NUAK1: variants seen among roughly 807,000 people sequenced by gnomAD.
The protein encoded by NUAK1 is NUAK family kinase 1, also known as NUAK family SNF1-like kinase 1.
In NUAK1, 26 loss-of-function variants were observed where a neutral mutation model predicts 56.9. The observed-to-expected ratio is 0.46, with a 90% CI of 0.33 to 0.63. The LOEUF (loss-of-function observed/expected upper bound fraction) is 0.63, where lower values mean the gene tolerates loss of function less well. Ranked by LOEUF, NUAK1 falls within the 30% of genes least tolerant of loss-of-function variation. NUAK1 has a pLI of 0.02. For synonymous variants in NUAK1, 337 were observed against 336.0 expected, an observed-to-expected ratio of 1.00 and a Z score of -0.03; for missense variants, 727 against 876.1, an observed-to-expected ratio of 0.83 and a Z score of 2.15.
chr12:106,078,171 C>T (rs1476927536), intron 4 of NUAK1, among the ~76,000 whole-genome samples: 2 of 152,228 alleles, frequency 1.3e-5, no homozygotes, highest in African/African-American at 2.4e-5. Flanking sequence ...TTTAAGGCTG[C>T]TGTGAGCTAT....
At position 106,067,623 on chromosome 12, in the gene NUAK1, G is replaced by C; in HGVS notation, c.1165C>G (p.Pro389Ala). Residue 389 changes from proline (P) to alanine (A), a missense_variant, in exon 7 of 7, where the codon CCA becomes GCA. Physicochemically the swap from Pro to Ala is conservative, Grantham distance 27. Transcript: ENST00000261402. This position sits in a 1 kb window ranked among gnomAD's most constrained non-coding sequence, Gnocchi z 6.0. ...GGCCTCTTAGAACTCAACTTGGATGGGCTTTCAGGCACTGCATCCTGACCA... is the reference window on the plus strand; with the variant it reads ...GGCCTCTTAGAACTCAACTTGGATGCGCTTTCAGGCACTGCATCCTGACCA... The part of the protein sequence containing the change: ...QSGQDAVPES[P>A]SKLSSKRPKG... 6.2e-7 allele frequency: 1 copy of C among 1,614,210 alleles called. No homozygotes were observed. The highest frequency in any genetic ancestry group is 1.3e-5 in the African/African-American group (1 of 75,044).
At chr12:106,107,200 C>T (rs926607663) in intron 1 of NUAK1, among the ~76,000 whole-genome samples, 2 of 152,114 alleles carry the variant, frequency 1.3e-5, no homozygotes, top group Admixed American at 6.5e-5. Context: ...CTGTCAATTC[C>T]CAAAGCTCAG....
intron 3 of NUAK1, 133 bp downstream of exon 3, chr12:106,086,601 T>C: frequency 1.2e-6 from 1 of 864,580 alleles, no homozygotes; most frequent in Non-Finnish European, 1.6e-6. Context: ...GTGATGGTAA[T>C]TTTCTTCTTT....
intron 1 of NUAK1, among the ~76,000 whole-genome samples, chr12:106,123,068 G>C (rs1054186132): frequency 2.6e-5 from 4 of 152,194 alleles, no homozygotes; most frequent in Non-Finnish European, 4.4e-5. Context: ...CTATGTGTTA[G>C]GCTCATGCAA....
At position 106,138,595 on chromosome 12, in the gene NUAK1, G is replaced by A. The variant is rs1390261166; in HGVS notation, c.59C>T (p.Pro20Leu). 2 of 1,576,660 alleles carry A rather than the reference G, an allele frequency of 1.3e-6. No homozygotes were observed. The highest frequency in any genetic ancestry group is 1.8e-5 in the Admixed American group (1 of 56,006). ...CGCCACCGCCTCTCGGGGAGAGCCCGGCGCCCCCAGCCCCAAGTCGGGGCG... is the reference window on the plus strand; with the variant it reads ...CGCCACCGCCTCTCGGGGAGAGCCCAGCGCCCCCAGCCCCAAGTCGGGGCG... The part of the protein sequence containing the change: ...GDRPDLGLGA[P>L]GSPREAVAGA... The change falls in exon 1 of 7, where the codon CCG becomes CTG. Residue 20 changes from proline (P) to leucine (L), a missense_variant. Pro to Leu is a moderately conservative substitution (Grantham distance 98, BLOSUM62 -3). Coordinates refer to ENST00000261402, the MANE Select transcript of NUAK1 (RefSeq NM_014840.3). The surrounding 1 kb of genome is among the most constrained non-coding windows in gnomAD (Gnocchi z 5.0).
chr12:106,083,411 C>A (rs1560757), intron 4 of NUAK1, among the ~76,000 whole-genome samples: 1 of 152,064 alleles, frequency 6.6e-6, no homozygotes, highest in African/African-American at 2.4e-5. Context: ...TTACCTTGGG[C>A]AAATTACTTA....
chr12:106,121,466 G>A (rs186169346), intron 1 of NUAK1, among the ~76,000 whole-genome samples: 2 of 152,252 alleles, frequency 1.3e-5, no homozygotes, highest in African/African-American at 2.4e-5. Flanking sequence ...AAAAGGGTGG[G>A]AGGCTGGGCG....
Position 106,138,724 on chromosome 12 carries a change from C to T in NUAK1, c.-71G>A. On this transcript the variant is annotated 5_prime_UTR_variant, in exon 1 of 7. The change creates a new upstream start codon in the 5' untranslated region. Coordinates refer to ENST00000261402, the MANE Select transcript of NUAK1 (RefSeq NM_014840.3). This position sits in a 1 kb window ranked among gnomAD's most constrained non-coding sequence, Gnocchi z 5.0. ...CAGCGCTGGGATGTCGGGGTCCCCA[C>T]CGAGGGAAGCCGCTGTACGCTCAAG... 1 of 1,430,200 alleles carries T rather than the reference C, an allele frequency of 7.0e-7. No individual in the cohort carries two copies. Among genetic ancestry groups the T allele is most frequent in the Non-Finnish European group, 9.1e-7 (1 of 1,099,172 alleles). The allele number at this position is 1,430,200 out of a possible 1,614,324, so 88.6% of individuals were successfully genotyped here.
chr12:106,074,744 C>T (rs1293664058), intron 4 of NUAK1, among the ~76,000 whole-genome samples: 1 of 152,092 alleles, frequency 6.6e-6, no homozygotes, highest in African/African-American at 2.4e-5. Flanking sequence ...GTGGTCACAG[C>T]CCCTAGAAGC....
chr12:106,125,672 T>C (rs1488939973), intron 1 of NUAK1, among the ~76,000 whole-genome samples: 1 of 152,014 alleles, frequency 6.6e-6, no homozygotes, highest in African/African-American at 2.4e-5. Flanking sequence ...TAAGTGGAGA[T>C]TTCCACTTCA....
At chr12:106,090,669 G>A (rs576682040) in intron 2 of NUAK1, among the ~76,000 whole-genome samples, 25 of 152,092 alleles carry the variant, frequency 1.6e-4, no homozygotes, top group Admixed American at 6.5e-4. Context: ...CTGACCCTCC[G>A]CCTCCTCATC....
At chr12:106,112,412 T>C (rs1355358710) in intron 1 of NUAK1, among the ~76,000 whole-genome samples, 1 of 151,894 alleles carries the variant, frequency 6.6e-6, no homozygotes, top group Non-Finnish European at 1.5e-5. Flanking sequence ...GCACAGAGTG[T>C]GGGGCAAGGC....
Position 106,138,855 on chromosome 12 carries a change from C to G in NUAK1, c.-202G>C, listed in dbSNP as rs2033157310. 1.2e-5 allele frequency: 7 copies of G among 590,478 alleles called. No individual in the cohort carries two copies. The highest frequency in any genetic ancestry group is 2.5e-6 in the Non-Finnish European group (1 of 397,412). 36.6% of individuals were successfully genotyped at this position (590,478 alleles called of 1,614,324 possible). A position where few individuals can be genotyped will look rare whatever the true frequency, so the allele number is the denominator to read the frequency against. On this transcript the variant is annotated 5_prime_UTR_variant, in exon 1 of 7. Transcript: ENST00000261402. This position sits in a 1 kb window ranked among gnomAD's most constrained non-coding sequence, Gnocchi z 5.0. ...TCTGGCGCCCGCGGCGCGCACGGTCCGCGCACCGCCCCCCGGCCGCGGCGA... is the reference window on the plus strand; with the variant it reads ...TCTGGCGCCCGCGGCGCGCACGGTCGGCGCACCGCCCCCCGGCCGCGGCGA...
At chr12:106,077,074 G>C (rs921343612) in intron 4 of NUAK1, among the ~76,000 whole-genome samples, 1 of 152,208 alleles carries the variant, frequency 6.6e-6, no homozygotes, top group Admixed American at 6.5e-5. Flanking sequence ...GGTGAAAACT[G>C]AAGTGTCACC....
intron 4 of NUAK1, among the ~76,000 whole-genome samples, chr12:106,077,967 C>G (rs901491822): frequency 1.2e-4 from 19 of 152,304 alleles, no homozygotes; most frequent in African/African-American, 4.1e-4. Context: ...GCTATGACTA[C>G]TTTATTTAAC....
At chr12:106,116,391 G>T (rs1290206288) in intron 1 of NUAK1, among the ~76,000 whole-genome samples, 1 of 152,184 alleles carries the variant, frequency 6.6e-6, no homozygotes, top group Non-Finnish European at 1.5e-5. Context: ...ACTCCAGAGG[G>T]GTTGGGGGTG....
chr12:106,108,898 G>C (rs1343453205), intron 1 of NUAK1, among the ~76,000 whole-genome samples: 1 of 152,178 alleles, frequency 6.6e-6, no homozygotes, highest in South Asian at 2.1e-4. Flanking sequence ...TTTCAGCTGG[G>C]TGTGAAAAGG....
At chr12:106,079,760 A>G (rs1327307025) in intron 4 of NUAK1, among the ~76,000 whole-genome samples, 1 of 152,166 alleles carries the variant, frequency 6.6e-6, no homozygotes, top group Admixed American at 6.5e-5. Flanking sequence ...TGTGTCTCCA[A>G]CTGGAATTTT....
chr12:106,127,868 C>G (rs1309343666), intron 1 of NUAK1, among the ~76,000 whole-genome samples: 2 of 152,118 alleles, frequency 1.3e-5, no homozygotes, highest in Non-Finnish European at 2.9e-5. Flanking sequence ...TGTGCAATGC[C>G]CCGTGCCCAG....
Sources: gnomAD v4.1 joint callset for allele counts (sites outside exome capture counted in the v4.1 genomes callset) on GRCh38, gnomAD v4.1.1 for gene constraint, Gnocchi (gnomAD v3.1) non-coding constraint, MANE v1.5 for transcripts, NCBI Gene and HGNC (gene_info 2026-07-23, HGNC 2026-07-21) for gene names.